The following SYT1 variants were observed in gnomAD, a reference collection of about 807,000 sequenced individuals.
SYT1 encodes the protein synaptotagmin-1.
SYT1 carries 8 observed loss-of-function variants against 44.8 expected under a neutral mutation model. That is an observed-to-expected ratio of 0.18 (90% confidence interval 0.10 to 0.32). SYT1 has a LOEUF of 0.32. Ranked by LOEUF, SYT1 falls within the 10% of genes least tolerant of loss-of-function variation. The probability of loss-of-function intolerance (pLI) is 1.00; values close to 1 mark genes in which losing one functional copy is unlikely to be tolerated. For missense variants in SYT1, 286 were observed against 509.3 expected, an observed-to-expected ratio of 0.56 and a Z score of 4.22; for synonymous variants, 154 against 188.8, an observed-to-expected ratio of 0.82 and a Z score of 1.51.
At chr12:79,342,775 A>G (rs2139053502) in intron 8 of SYT1, among the ~76,000 whole-genome samples, 1 of 152,346 alleles carries the variant, frequency 6.6e-6, no homozygotes. Flanking sequence ...TGCTAATATC[A>G]TTTGTTGAAA....
At chr12:79,198,206 T>C (rs1212449592) in intron 3 of SYT1, among the ~76,000 whole-genome samples, 1 of 152,180 alleles carries the variant, frequency 6.6e-6, no homozygotes, top group African/African-American at 2.4e-5. Flanking sequence ...ACATTGTCTT[T>C]CGTGTTCTAA....
intron 8 of SYT1, among the ~76,000 whole-genome samples, chr12:79,342,895 G>T (rs1178743959): frequency 6.6e-6 from 1 of 152,186 alleles, no homozygotes; most frequent in Admixed American, 6.5e-5. Context: ...ATAAAAGTCT[G>T]GGGCTTAGAG....
chr12:78,865,213 G>A (rs984404321), intron 1 of SYT1, 104 bp downstream of exon 1: 10 of 152,274 alleles, frequency 6.6e-5, no homozygotes, highest in African/African-American at 2.4e-4. Context: ...AGTGGTGGGA[G>A]TCTGAGACCT....
chr12:79,151,864 A>G (rs1870293880), intron 3 of SYT1, among the ~76,000 whole-genome samples: 1 of 152,188 alleles, frequency 6.6e-6, no homozygotes, highest in Admixed American at 6.5e-5. Flanking sequence ...AGAAAATGAT[A>G]TGGAGTTCAG....
chr12:79,007,671 CT>C (rs1177050961), intron 2 of SYT1, among the ~76,000 whole-genome samples: 3 of 152,084 alleles, frequency 2.0e-5, no homozygotes, highest in African/African-American at 4.8e-5. Flanking sequence ...TACTTATACC[CT>C]TTTTTGTTCC....
chr12:79,338,965 A>G (rs1384137815), intron 8 of SYT1, among the ~76,000 whole-genome samples: 1 of 152,118 alleles, frequency 6.6e-6, no homozygotes, highest in Admixed American at 6.5e-5. Flanking sequence ...AATGGTTTCC[A>G]GCTTCATCCA....
intron 3 of SYT1, among the ~76,000 whole-genome samples, chr12:79,175,563 T>C (rs191895375): frequency 1.3e-5 from 2 of 152,212 alleles, no homozygotes; most frequent in East Asian, 1.9e-4. Flanking sequence ...GAGACATCTA[T>C]TTGGCACACT....
chr12:79,064,982 A>AAGAAAGAG (rs1300177464), intron 3 of SYT1, among the ~76,000 whole-genome samples: 2 of 143,412 alleles, frequency 1.4e-5, no homozygotes, highest in African/African-American at 5.2e-5. Flanking sequence ...GAAAGAAAGA[A>AAGAAAGAG]AGAAAGAAAG....
At chr12:79,227,349 G>T (rs1402845514) in intron 4 of SYT1, among the ~76,000 whole-genome samples, 4 of 151,660 alleles carry the variant, frequency 2.6e-5, no homozygotes, top group African/African-American at 9.7e-5. Flanking sequence ...TTTTTATTTT[G>T]CAACTTTGAT....
At chr12:79,317,668 T>A (rs1393080082) in intron 8 of SYT1, among the ~76,000 whole-genome samples, 1 of 152,138 alleles carries the variant, frequency 6.6e-6, no homozygotes, top group Non-Finnish European at 1.5e-5. Context: ...GTCAGAGCCC[T>A]GGCATCAGGA....
chr12:79,133,008 A>C (rs1868948357), intron 3 of SYT1, among the ~76,000 whole-genome samples: 1 of 152,224 alleles, frequency 6.6e-6, no homozygotes, highest in Admixed American at 6.5e-5. Flanking sequence ...GATAAATATC[A>C]CATGTTCTCA....
intron 9 of SYT1, among the ~76,000 whole-genome samples, chr12:79,371,767 A>ATTT (rs1485789239): frequency 2.0e-5 from 3 of 152,200 alleles, no homozygotes; most frequent in Non-Finnish European, 4.4e-5. Flanking sequence ...CATGCCTCAG[A>ATTT]GGTTTGAGAT....
intron 1 of SYT1, among the ~76,000 whole-genome samples, chr12:78,890,643 T>G (rs1875003311): frequency 6.6e-6 from 1 of 151,880 alleles, no homozygotes; most frequent in African/African-American, 2.4e-5. Flanking sequence ...TCTTCCAAGC[T>G]TCACAGTTTC....
intron 9 of SYT1, among the ~76,000 whole-genome samples, chr12:79,430,513 T>C (rs1194309317): frequency 6.6e-6 from 1 of 152,244 alleles, no homozygotes; most frequent in Non-Finnish European, 1.5e-5. Flanking sequence ...AAGCCGGGCA[T>C]GGTGGCTCAT....
intron 2 of SYT1, chr12:78,995,792 G>A (rs1870337210): frequency 6.6e-6 from 1 of 152,078 alleles, no homozygotes; most frequent in African/African-American, 2.4e-5. Flanking sequence ...TCCTGCAGTT[G>A]TTGCTGAGGT....
At chr12:79,309,387 CTT>C (rs771984309) in intron 8 of SYT1, among the ~76,000 whole-genome samples, 6 of 142,672 alleles carry the variant, frequency 4.2e-5, no homozygotes, top group Non-Finnish European at 3.1e-5. Context: ...CTTTATGTTT[CTT>C]TTTTTTTTTT....
intron 3 of SYT1, among the ~76,000 whole-genome samples, chr12:79,131,386 GT>G (rs1199010610): frequency 2.0e-5 from 3 of 151,814 alleles, no homozygotes; most frequent in African/African-American, 7.3e-5. Context: ...TTCAACAAGG[GT>G]TTTTTTGTTT....
chr12:79,409,908 C>T (rs7310450), intron 9 of SYT1, among the ~76,000 whole-genome samples: 76,014 of 149,420 alleles, frequency 0.51, 23,585 homozygotes, highest in Non-Finnish European at 0.7. Flanking sequence ...GAAAAAGTAT[C>T]ACTCTAAACT....
intron 9 of SYT1, among the ~76,000 whole-genome samples, chr12:79,370,778 T>A (rs932618972): frequency 3.3e-5 from 5 of 151,252 alleles, no homozygotes; most frequent in African/African-American, 4.9e-5. Flanking sequence ...ATAATAATAA[T>A]AAAAATAAAA....
Sources: allele counts gnomAD v4.1 joint callset (sites outside exome capture counted in the v4.1 genomes callset), GRCh38; gene constraint gnomAD v4.1.1; transcripts MANE v1.5; gene names NCBI Gene and HGNC (gene_info 2026-07-23, HGNC 2026-07-21).